DIAPH2: variants seen among roughly 807,000 people sequenced by gnomAD.
DIAPH2 encodes the protein protein diaphanous homolog 2.
In DIAPH2, 35 loss-of-function variants were observed where a neutral mutation model predicts 92.7. The observed-to-expected ratio is 0.38, with a 90% CI of 0.29 to 0.50. The LOEUF (loss-of-function observed/expected upper bound fraction) is 0.50, where lower values mean the gene tolerates loss of function less well. Ranked by LOEUF, DIAPH2 falls within the 20% of genes least tolerant of loss-of-function variation. The pLI, the probability that DIAPH2 is intolerant of heterozygous loss-of-function variation, is 0.94. For missense variants in DIAPH2, 701 were observed against 819.5 expected (o/e 0.86, Z 1.77); for synonymous variants, 301 against 280.4 (o/e 1.07, Z -0.73).
chrX:96,999,375 G>A (rs1021542260), intron 17 of DIAPH2, among the ~76,000 whole-genome samples: 11 of 108,093 alleles, frequency 1.0e-4, no homozygotes, highest in Non-Finnish European at 1.9e-4. Context: ...GGTGGCGGGC[G>A]CTGGTAGTCC....
chrX:97,549,047 A>T (rs1417844866), intron 26 of DIAPH2, among the ~76,000 whole-genome samples: 1 of 112,637 alleles, frequency 8.9e-6, no homozygotes, highest in Admixed American at 9.4e-5. Context: ...TCTAAATTTG[A>T]AAAGAAAAAG....
chrX:97,506,311 G>A lies in DIAPH2; in HGVS notation c.3241+76566G>A, dbSNP rs181176353. Among the ~76,000 whole-genome samples, 387 of 107,623 alleles carry A rather than the reference G, an allele frequency of 3.6e-3. 2 individuals carry two copies. The highest frequency in any genetic ancestry group is 0.012 in the African/African-American group (360 of 29,636). 93.5% of individuals were successfully genotyped at this position (107,623 alleles called of 115,157 possible). ...ACTACAGGCGCACGCCATGAAGCCC[G>A]GCTAATTTTTGCATTTTTTAGTAGA... On this transcript the variant is annotated intron_variant, in intron 26 of 26. Transcript: ENST00000324765.
At chrX:97,012,768 T>C (rs2147865295) in intron 17 of DIAPH2, among the ~76,000 whole-genome samples, 1 of 112,162 alleles carries the variant, frequency 8.9e-6, no homozygotes, top group East Asian at 2.8e-4. Context: ...GGGTGTGGGA[T>C]TATAGAAAAT....
At chrX:97,298,330 G>A (rs1315737097) in intron 23 of DIAPH2, among the ~76,000 whole-genome samples, 7 of 102,653 alleles carry the variant, frequency 6.8e-5, no homozygotes, top group Admixed American at 5.5e-4. Context: ...ATCAAGGAAC[G>A]GTGAAGGAAG....
rs961367789 is a variant in DIAPH2 at position 97,408,516 on chromosome X, G to A, written c.3146-21134G>A. 2.7e-5 allele frequency among the ~76,000 whole-genome samples: 3 copies of A among 110,867 alleles called. No homozygotes were observed. The South Asian group carries it at 1.1e-3, about 42-fold the overall frequency. On this transcript the variant is annotated intron_variant, in intron 25 of 26. Transcript: ENST00000324765. ...TATTGGAGAACAACTTCTCTTTTAC[G>A]AAGTAAAGTATGTAATTAAGGTCTA...
Position 96,958,148 on chromosome X carries a change from G to A in DIAPH2, c.1935G>A (p.Lys645=). Residue 645 remains lysine (K), a splice_region_variant and synonymous_variant, in exon 16 of 27, where the codon AAG becomes AAA. Transcript: ENST00000324765. The part of the protein sequence containing the change: ...EVSMKRINWS[K]IEPTELSENC... ...CCATGAAGAGAATCAATTGGTCAAA[G>A]GTAATACTAAAACTAGAGTTTTTTT... is the stretch of plus-strand genomic sequence containing the variant. 3 of 1,199,813 alleles carry A rather than the reference G, an allele frequency of 2.5e-6. No homozygotes were observed. The South Asian group carries it at 5.5e-5, about 22-fold the overall frequency.
chrX:97,209,843 CCT>C (rs1484227239), intron 22 of DIAPH2, among the ~76,000 whole-genome samples: 4 of 110,607 alleles, frequency 3.6e-5, no homozygotes, highest in Non-Finnish European at 7.6e-5. Context: ...CATTTATAAT[CCT>C]CTTCTTAATG....
At position 96,738,710 on chromosome X, in the gene DIAPH2, G is replaced by C. The variant is rs764249440; in HGVS notation, c.290G>C (p.Arg97Pro). 7.4e-6 allele frequency: 9 copies of C among 1,208,776 alleles called. No homozygotes were observed. In the South Asian group the frequency reaches 1.2e-4, roughly 17 times the overall value. The part of the protein sequence containing the change: ...FPAAQPLYDE[R>P]SLNLSEKEVL... ...GCAGCTCAGCCATTATATGATGAAC[G>C]ATCTTTGAATTTGTCAGAAAAGGAA... is the stretch of plus-strand genomic sequence containing the variant. The change falls in exon 3 of 27, where the codon CGA (arginine) becomes CCA (proline). Residue 97 changes from arginine to proline, a missense_variant. By Grantham distance (103) the Arg-to-Pro change is moderately radical. Transcript: ENST00000324765.
At chrX:96,777,666 TTGTG>T (rs1310144914) in intron 4 of DIAPH2, among the ~76,000 whole-genome samples, 2 of 111,892 alleles carry the variant, frequency 1.8e-5, no homozygotes, top group Admixed American at 9.5e-5. Flanking sequence ...TCACATCAGA[TTGTG>T]TGTGAGTACA....
At chrX:97,523,379 G>A (rs2147846582) in intron 26 of DIAPH2, among the ~76,000 whole-genome samples, 1 of 111,790 alleles carries the variant, frequency 8.9e-6, no homozygotes, top group Non-Finnish European at 1.9e-5. Flanking sequence ...CAGATATGGA[G>A]ATAATGACCA....
chrX:97,425,826 A>ATGTGTG (rs34389353), intron 25 of DIAPH2, among the ~76,000 whole-genome samples: 120 of 103,587 alleles, frequency 1.2e-3, no homozygotes, highest in Non-Finnish European at 2.0e-3. Context: ...GTGTATGTAT[A>ATGTGTG]TGTGTGTGTG....
In DIAPH2 at chrX:96,958,050, C is replaced by T. The variant is rs2065823744; in HGVS notation, c.1837C>T (p.Pro613Ser). Residue 613 changes from proline to serine, a missense_variant, in exon 16 of 27, where the codon CCT (proline) becomes TCT (serine). Pro to Ser is a moderately conservative substitution (Grantham distance 74). Around this residue, in one of 3 missense-constraint regions of DIAPH2, gnomAD observed 536 missense variants for 599.3 expected, o/e 0.89. Coordinates refer to ENST00000324765, the MANE Select transcript of DIAPH2 (RefSeq NM_006729.5). ...PPPPPPLGGV[P>S]PPPGISLNLP... is the part of the protein sequence containing the mutation. Reference sequence around the variant, plus strand: ...TCCACCACCACCCCTTGGAGGAGTTCCTCCTCCCCCAGGAATATCACTTAA... The same window carrying T: ...TCCACCACCACCCCTTGGAGGAGTTTCTCCTCCCCCAGGAATATCACTTAA... 2.5e-6 allele frequency: 3 copies of T among 1,209,478 alleles called. No homozygotes were observed. The highest frequency in any genetic ancestry group is 1.1e-6 in the Non-Finnish European group (1 of 895,004).
Position 96,881,600 on chromosome X carries a change from C to A in DIAPH2, c.469C>A (p.His157Asn). The A allele has an allele frequency of 8.3e-7, 1 of 1,205,333 alleles. No individual in the cohort carries two copies. Among genetic ancestry groups the A allele is most frequent in the Non-Finnish European group, 1.1e-6 (1 of 892,477 alleles). ...ATAGGGTGGGCTGAAAAACAGCAAA[C>A]ATGAATGCACCCTGTCTTCACAAGA... is the stretch of plus-strand genomic sequence containing the variant. ...AKSGGLKNSKHECTLSSQEYV... is the reference protein window; with the variant it reads ...AKSGGLKNSKNECTLSSQEYV... Residue 157 changes from histidine (H) to asparagine (N), a missense_variant, in exon 5 of 27, where the codon CAT becomes AAT. Transcript: ENST00000324765.
chrX:97,297,970 CA>C lies in DIAPH2; in HGVS notation c.2844+50136del, dbSNP rs775176059. 5.5e-3 allele frequency among the ~76,000 whole-genome samples: 605 copies of C among 110,116 alleles called. 2 individuals carry two copies. The highest frequency in any genetic ancestry group is 0.019 in the African/African-American group (574 of 30,432). The stretch of plus-strand genomic sequence containing the variant: ...TTTACCAGTCAGTCTTCTAGCCAAA[CA>C]AAAATAAGACACATTTGCACAGCTT... On this transcript the variant is annotated intron_variant, in intron 23 of 26. Transcript: ENST00000324765.
intron 26 of DIAPH2, among the ~76,000 whole-genome samples, chrX:97,491,739 A>C (rs902204607): frequency 4.5e-5 from 5 of 111,382 alleles, no homozygotes; most frequent in African/African-American, 1.6e-4. Flanking sequence ...AGGACTTACT[A>C]TTGCCCTTTT....
intron 17 of DIAPH2, among the ~76,000 whole-genome samples, chrX:97,056,375 C>T (rs912585004): frequency 1.8e-5 from 2 of 111,430 alleles, no homozygotes; most frequent in Non-Finnish European, 3.8e-5. Context: ...TGCATTTTTA[C>T]TGTGGATTAT....
intron 26 of DIAPH2, among the ~76,000 whole-genome samples, chrX:97,446,704 T>C (rs2147790638): frequency 9.0e-6 from 1 of 110,950 alleles, no homozygotes; most frequent in East Asian, 2.8e-4. Flanking sequence ...CCCAGGAAAA[T>C]AGTATATTTG....
At chrX:97,144,335 TAAAG>T (rs368200920) in intron 22 of DIAPH2, among the ~76,000 whole-genome samples, 3 of 111,216 alleles carry the variant, frequency 2.7e-5, no homozygotes, top group African/African-American at 6.5e-5. Context: ...TAAAAAAAAT[TAAAG>T]AAAGAAATAA....
At chrX:97,222,673 G>C (rs1300060501) in intron 22 of DIAPH2, among the ~76,000 whole-genome samples, 1 of 112,195 alleles carries the variant, frequency 8.9e-6, no homozygotes, top group East Asian at 2.8e-4. Flanking sequence ...CATATAATGT[G>C]ACATAATTGT....
Sources: gnomAD v4.1 joint callset for allele counts (sites outside exome capture counted in the v4.1 genomes callset) on GRCh38, gnomAD v4.1.1 for gene constraint, gnomAD v4.1.1 regional missense constraint, MANE v1.5 for transcripts, NCBI Gene and HGNC (gene_info 2026-07-23, HGNC 2026-07-21) for gene names.